Variants in ZNF385B observed in about 807,000 individuals in gnomAD.
ZNF385B encodes the protein zinc finger protein 385B, also known as zinc finger protein 533.
Under a neutral mutation model 39.2 loss-of-function variants are expected in ZNF385B, and 23 were observed. The observed-to-expected ratio is 0.59, with a 90% confidence interval of 0.42 to 0.83. ZNF385B has a LOEUF of 0.83. ZNF385B is among the 40% of genes least tolerant of loss of function. The probability of loss-of-function intolerance (pLI) is 0.00; values close to 1 mark genes in which losing one functional copy is unlikely to be tolerated. For missense variants in ZNF385B, 552 were observed against 598.9 expected, an observed-to-expected ratio of 0.92 and a Z score of 0.82; for synonymous variants, 205 against 222.6, an observed-to-expected ratio of 0.92 and a Z score of 0.70.
intron 3 of ZNF385B, among the ~76,000 whole-genome samples, chr2:179,589,300 C>T (rs1687358649): frequency 1.3e-5 from 2 of 152,168 alleles, no homozygotes; most frequent in Admixed American, 1.3e-4. Context: ...GTCTAACTGG[C>T]TCAGTTTCTG....
At chr2:179,641,460 A>G (rs1692262257) in intron 3 of ZNF385B, among the ~76,000 whole-genome samples, 2 of 152,154 alleles carry the variant, frequency 1.3e-5, no homozygotes, top group Non-Finnish European at 2.9e-5. Context: ...ATAATTTCTG[A>G]CAGCTTTGTT....
chr2:179,504,760 T>C (rs1441122439), intron 5 of ZNF385B, among the ~76,000 whole-genome samples: 1 of 151,714 alleles, frequency 6.6e-6, no homozygotes, highest in Non-Finnish European at 1.5e-5. Flanking sequence ...TATACATATG[T>C]AACAAACCCG....
chr2:179,771,217 T>C (rs1036030504), intron 1 of ZNF385B, among the ~76,000 whole-genome samples: 1 of 152,128 alleles, frequency 6.6e-6, no homozygotes, highest in African/African-American at 2.4e-5. Context: ...ATCCAAGTTG[T>C]CTCAGAGCTC....
chr2:179,653,669 C>T (rs1693431728), intron 3 of ZNF385B, among the ~76,000 whole-genome samples: 1 of 152,064 alleles, frequency 6.6e-6, no homozygotes, highest in Non-Finnish European at 1.5e-5. Context: ...GACATAGAAC[C>T]AATATAGCAG....
intron 3 of ZNF385B, among the ~76,000 whole-genome samples, chr2:179,743,375 G>T (rs1702187762): frequency 6.6e-6 from 1 of 151,886 alleles, no homozygotes; most frequent in Non-Finnish European, 1.5e-5. Flanking sequence ...TAATTATAAT[G>T]GCACATATTA....
chr2:179,528,711 T>C (rs1222667507), intron 4 of ZNF385B, among the ~76,000 whole-genome samples: 1 of 152,160 alleles, frequency 6.6e-6, no homozygotes, highest in Non-Finnish European at 1.5e-5. Context: ...CTTCAGACAA[T>C]AGTTACTTTG....
At chr2:179,681,383 T>A (rs1460599935) in intron 3 of ZNF385B, among the ~76,000 whole-genome samples, 2 of 152,184 alleles carry the variant, frequency 1.3e-5, no homozygotes, top group Non-Finnish European at 2.9e-5. Context: ...GACTCTATGT[T>A]CTGAAGTTCT....
chr2:179,667,973 C>A (rs1458893197), intron 3 of ZNF385B, among the ~76,000 whole-genome samples: 1 of 152,212 alleles, frequency 6.6e-6, no homozygotes. Flanking sequence ...CTATTCCTTG[C>A]AACCAAACAA....
Position 179,791,997 on chromosome 2 carries a change from A to G in ZNF385B, c.-154-21325T>C, listed in dbSNP as rs1174230815. 2.6e-5 allele frequency among the ~76,000 whole-genome samples: 4 copies of G among 151,886 alleles called. No individual in the cohort carries two copies. The East Asian group carries it at 7.8e-4, about 30-fold the overall frequency. On this transcript the variant is annotated intron_variant, in intron 1 of 9. Transcript: ENST00000410066. ...GGCTGGTCTCAAACTCCTGACCTCAAGTGACCCACCTGCCTTGGCCTTCCA... is the reference window on the plus strand; with the variant it reads ...GGCTGGTCTCAAACTCCTGACCTCAGGTGACCCACCTGCCTTGGCCTTCCA...
chr2:179,599,968 G>T (rs1436345573), intron 3 of ZNF385B, among the ~76,000 whole-genome samples: 1 of 152,164 alleles, frequency 6.6e-6, no homozygotes, highest in Non-Finnish European at 1.5e-5. Context: ...ATGCTTCATG[G>T]TACATGGATT....
At chr2:179,482,352 A>G (rs1394831150) in intron 6 of ZNF385B, among the ~76,000 whole-genome samples, 2 of 152,344 alleles carry the variant, frequency 1.3e-5, no homozygotes, top group South Asian at 2.1e-4. Context: ...AACATCAAAC[A>G]TAAGAAAAAG....
chr2:179,707,234 G>T (rs976402038), intron 3 of ZNF385B, among the ~76,000 whole-genome samples: 2 of 152,218 alleles, frequency 1.3e-5, no homozygotes, highest in Non-Finnish European at 2.9e-5. Flanking sequence ...AAGAAGGGAA[G>T]AGAGTCTATT....
intron 7 of ZNF385B, 148 bp from the exon 8 acceptor site, chr2:179,445,876 A>G (rs1167890969): frequency 2.8e-6 from 2 of 707,812 alleles, no homozygotes; most frequent in Non-Finnish European, 4.2e-6. Context: ...TAAATTTAAC[A>G]CGTTATTGTA....
At chr2:179,716,547 GC>G (rs1700342424) in intron 3 of ZNF385B, among the ~76,000 whole-genome samples, 1 of 152,166 alleles carries the variant, frequency 6.6e-6, no homozygotes, top group Admixed American at 6.5e-5. Context: ...AAATTGTGTA[GC>G]AAACAGTATA....
At chr2:179,581,822 T>C (rs1406272358) in intron 3 of ZNF385B, among the ~76,000 whole-genome samples, 3 of 152,166 alleles carry the variant, frequency 2.0e-5, no homozygotes, top group Non-Finnish European at 2.9e-5. Context: ...TTTCCTCCTT[T>C]TTTCCTTCCT....
At chr2:179,626,649 A>G (rs1690690364) in intron 3 of ZNF385B, among the ~76,000 whole-genome samples, 1 of 152,192 alleles carries the variant, frequency 6.6e-6, no homozygotes, top group South Asian at 2.1e-4. Flanking sequence ...TTGTATATGC[A>G]TATAATTCAG....
At chr2:179,522,863 A>G in intron 4 of ZNF385B, 1 of 444,866 alleles carries the variant, frequency 2.2e-6, no homozygotes, top group Non-Finnish European at 4.6e-6. Flanking sequence ...ACATAGATCT[A>G]GCTACCAATA....
intron 3 of ZNF385B, among the ~76,000 whole-genome samples, chr2:179,737,854 T>C (rs767308981): frequency 1.3e-4 from 20 of 152,184 alleles, no homozygotes; most frequent in Non-Finnish European, 2.9e-4. Flanking sequence ...AGCTAAATTG[T>C]GGTGGAGCTG....
intron 1 of ZNF385B, among the ~76,000 whole-genome samples, chr2:179,801,854 G>T (rs573058321): frequency 7.2e-5 from 11 of 152,210 alleles, no homozygotes; most frequent in Non-Finnish European, 1.5e-4. Flanking sequence ...AGAAACAAAG[G>T]GTGGCAGAAG....
Sources: gnomAD v4.1 joint callset for allele counts (sites outside exome capture counted in the v4.1 genomes callset) on GRCh38, gnomAD v4.1.1 for gene constraint, MANE v1.5 for transcripts, NCBI Gene and HGNC (gene_info 2026-07-23, HGNC 2026-07-21) for gene names.